EBF1: variants seen among roughly 807,000 people sequenced by gnomAD.
The protein encoded by EBF1 is EBF transcription factor 1, also known as transcription factor COE1.
EBF1 carries 10 observed loss-of-function variants against 68.4 expected under a neutral mutation model. The observed-to-expected ratio is 0.15, with a 90% CI of 0.09 to 0.25. The LOEUF (loss-of-function observed/expected upper bound fraction) is 0.25, where lower values mean the gene tolerates loss of function less well. Ranked by LOEUF, EBF1 falls within the 10% of genes least tolerant of loss-of-function variation. EBF1 has a pLI of 1.00. For synonymous variants in EBF1, 298 were observed against 299.8 expected (o/e 0.99, Z 0.06); for missense variants, 509 against 794.4 (o/e 0.64, Z 4.32).
intron 6 of EBF1, among the ~76,000 whole-genome samples, chr5:158,990,324 A>G (rs1224115921): frequency 6.6e-6 from 1 of 152,238 alleles, no homozygotes. Flanking sequence ...CCGTGAAGCC[A>G]GCTCAAGCTT....
At position 159,097,019 on chromosome 5, in the gene EBF1, C is replaced by T. The variant is rs1782755640; in HGVS notation, c.246G>A (p.Val82=). ...LALYDRQGQP[V]EIERTAFVGF... ...CCACAAACGCTGTCCTCTCGATCTC[C>T]ACGGGCTGGCCCTGTCTGTCGTAGA... Residue 82 remains valine (V), a synonymous_variant, in exon 2 of 16, where the codon GTG becomes GTA. Transcript: ENST00000313708. 6.2e-7 allele frequency: 1 copy of T among 1,613,976 alleles called. No individual in the cohort carries two copies. The highest frequency in any genetic ancestry group is 1.3e-5 in the African/African-American group (1 of 74,940).
chr5:159,001,919 G>A (rs377712868), intron 6 of EBF1, among the ~76,000 whole-genome samples: 8 of 152,012 alleles, frequency 5.3e-5, no homozygotes, highest in South Asian at 2.1e-4. Context: ...ATTATCACCC[G>A]TGTGTGTGTG....
intron 6 of EBF1, among the ~76,000 whole-genome samples, chr5:158,921,410 C>A (rs1426967318): frequency 6.6e-6 from 1 of 152,202 alleles, no homozygotes; most frequent in Non-Finnish European, 1.5e-5. Flanking sequence ...AATTAATGCC[C>A]TTTAGGACTC....
intron 8 of EBF1, among the ~76,000 whole-genome samples, chr5:158,815,648 G>T (rs981579706): frequency 3.9e-5 from 6 of 152,164 alleles, no homozygotes; most frequent in African/African-American, 1.4e-4. Context: ...TATTGGTGGT[G>T]CCATGGTCAA....
intron 6 of EBF1, among the ~76,000 whole-genome samples, chr5:158,937,995 C>T (rs1368524402): frequency 6.6e-6 from 1 of 152,136 alleles, no homozygotes; most frequent in Non-Finnish European, 1.5e-5. Context: ...AATGTCTCGT[C>T]GTGGACCTGG....
intron 6 of EBF1, among the ~76,000 whole-genome samples, chr5:159,029,133 A>T (rs932235537): frequency 6.6e-6 from 1 of 152,244 alleles, no homozygotes; most frequent in African/African-American, 2.4e-5. Flanking sequence ...CAAAAAAGAC[A>T]TATAAATAAA....
intron 6 of EBF1, among the ~76,000 whole-genome samples, chr5:158,881,178 T>C (rs924029758): frequency 6.6e-6 from 1 of 152,146 alleles, no homozygotes; most frequent in Non-Finnish European, 1.5e-5. Context: ...CAGAGAAGTG[T>C]TGGGGGAAAG....
intron 6 of EBF1, among the ~76,000 whole-genome samples, chr5:159,066,630 GACAC>G (rs34606310): frequency 1.8e-4 from 27 of 148,658 alleles, no homozygotes; most frequent in South Asian, 6.4e-4. Context: ...TACATGCACA[GACAC>G]ACACACACAC....
intron 6 of EBF1, among the ~76,000 whole-genome samples, chr5:159,063,554 G>C (rs1776236279): frequency 6.6e-6 from 1 of 152,170 alleles, no homozygotes; most frequent in Non-Finnish European, 1.5e-5. Context: ...GAGACACTGA[G>C]AAAGCTGCAT....
chr5:158,970,092 T>A (rs913996756), intron 6 of EBF1, among the ~76,000 whole-genome samples: 1 of 152,122 alleles, frequency 6.6e-6, no homozygotes, highest in South Asian at 2.1e-4. Flanking sequence ...CACTGAGACT[T>A]TTTTTGCTCT....
intron 6 of EBF1, among the ~76,000 whole-genome samples, chr5:158,934,123 T>A (rs1811468963): frequency 6.6e-6 from 1 of 152,152 alleles, no homozygotes. Flanking sequence ...TGTGTGTGTG[T>A]TGGGTGTAGG....
intron 6 of EBF1, among the ~76,000 whole-genome samples, chr5:159,032,548 C>T (rs1020812955): frequency 2.6e-5 from 4 of 152,324 alleles, no homozygotes; most frequent in Non-Finnish European, 5.9e-5. Flanking sequence ...CTTTTCTATA[C>T]ATTGTTATTC....
chr5:158,972,703 TCTCA>T (rs1424395135), intron 6 of EBF1, among the ~76,000 whole-genome samples: 3 of 152,234 alleles, frequency 2.0e-5, no homozygotes, highest in Non-Finnish European at 2.9e-5. Context: ...TGGCTTCCGA[TCTCA>T]CTCAGAGTAA....
chr5:159,063,957 G>A (rs1402253612), intron 6 of EBF1, among the ~76,000 whole-genome samples: 1 of 152,140 alleles, frequency 6.6e-6, no homozygotes, highest in African/African-American at 2.4e-5. Context: ...TAGCTGTGGA[G>A]GAACTGGATC....
In EBF1 at chr5:159,099,366, T is replaced by A; in HGVS notation, c.113A>T (p.Asp38Val). Residue 38 changes from aspartate (D) to valine (V), a missense_variant, in exon 1 of 16, where the codon GAC (aspartate) becomes GTC (valine). Coordinates refer to ENST00000313708, the MANE Select transcript of EBF1 (RefSeq NM_024007.5). ...RTWMQGAGVL[D>V]ANTAAQSGVG... ...CCACCTCTGCGCCGCCGTGTTGGCG[T>A]CCAGCACCCCGGCGCCCTGCATCCA... The A allele has an allele frequency of 6.3e-7, 1 of 1,593,654 alleles. No individual in the cohort carries two copies. The highest frequency in any genetic ancestry group is 8.5e-7 in the Non-Finnish European group (1 of 1,170,990).
intron 6 of EBF1, among the ~76,000 whole-genome samples, chr5:159,022,076 A>AT (rs55750500): frequency 6.7e-6 from 1 of 150,014 alleles, no homozygotes; most frequent in African/African-American, 2.5e-5. Context: ...AAAAAAAAAA[A>AT]GGCAAGAGAA....
intron 8 of EBF1, among the ~76,000 whole-genome samples, chr5:158,809,023 A>T (rs1221825744): frequency 6.6e-6 from 1 of 152,110 alleles, no homozygotes; most frequent in Non-Finnish European, 1.5e-5. Context: ...CCTTGAACTC[A>T]TCTTGATATA....
intron 6 of EBF1, among the ~76,000 whole-genome samples, chr5:158,887,041 C>T (rs1582897438): frequency 6.6e-6 from 1 of 152,120 alleles, no homozygotes; most frequent in South Asian, 2.1e-4. Flanking sequence ...GAAGAGGACA[C>T]CACAGATGTA....
chr5:159,074,356 T>C (rs1778356390), intron 5 of EBF1, among the ~76,000 whole-genome samples: 1 of 152,190 alleles, frequency 6.6e-6, no homozygotes, highest in East Asian at 1.9e-4. Context: ...CATCTGAAAC[T>C]TGTTTGCAAA....
Sources: gnomAD v4.1 joint callset for allele counts (sites outside exome capture counted in the v4.1 genomes callset) on GRCh38, gnomAD v4.1.1 for gene constraint, MANE v1.5 for transcripts, NCBI Gene and HGNC (gene_info 2026-07-23, HGNC 2026-07-21) for gene names.